The following TTC23L variants were observed in gnomAD, a reference collection of about 807,000 sequenced individuals.
The protein encoded by TTC23L is tetratricopeptide repeat protein 23-like.
TTC23L carries 42 observed loss-of-function variants against 48.1 expected under a neutral mutation model. The ratio of observed to expected loss-of-function variants is 0.87; its 90% CI spans 0.68 to 1.13. The LOEUF (loss-of-function observed/expected upper bound fraction) is 1.13, where lower values mean the gene tolerates loss of function less well. TTC23L is among the 50% of genes most tolerant of loss of function. TTC23L has a pLI of 0.00. For synonymous variants in TTC23L, 159 were observed against 157.2 expected (o/e 1.01, Z -0.09); for missense variants, 391 against 421.0 (o/e 0.93, Z 0.62).
At chr5:34,916,193 T>G in the TTC23L span, 1 of 258,042 alleles carries the variant, frequency 3.9e-6, no homozygotes. Context: ...TTGTTTTTTT[T>G]TTTTAATGTT....
chr5:34,880,762 C>A, intron 9 of TTC23L: 1 of 293,782 alleles, frequency 3.4e-6, no homozygotes, highest in Admixed American at 5.1e-5. Flanking sequence ...CCTCAGCCTC[C>A]CAAGTAGCTG....
Position 34,881,660 on chromosome 5 carries a change from C to T in TTC23L, c.1077+1352C>T, listed in dbSNP as rs186999312. Among the ~76,000 whole-genome samples the T allele has an allele frequency of 2.6e-4, 40 of 152,012 alleles. No individual in the cohort carries two copies. In the East Asian group the frequency reaches 5.8e-3, roughly 22 times the overall value. On this transcript the variant is annotated intron_variant, in intron 9 of 10. Coordinates refer to ENST00000505624, the Ensembl canonical transcript of TTC23L. ...TCTAAACATTTTTTATAAATGATGA[C>T]GTTTTCTTTATTTCAATTTTAATTG...
At chr5:34,905,385 A>G in the TTC23L span, 1 of 152,218 alleles carries the variant, frequency 6.6e-6, no homozygotes, top group Non-Finnish European at 1.5e-5. Flanking sequence ...AGAGTGCCAC[A>G]TTCTGCCCTT....
chr5:34,897,185 G>A (rs947117029), intron 10 of TTC23L, among the ~76,000 whole-genome samples: 5 of 151,962 alleles, frequency 3.3e-5, no homozygotes, highest in Admixed American at 3.3e-4. Context: ...AGGAGTTCGA[G>A]ACCAGCCTGG....
At position 34,886,363 on chromosome 5, in the gene TTC23L, T is replaced by TAA. The variant is rs3032938; in HGVS notation, c.1077+6074_1077+6075dup. Among the ~76,000 whole-genome samples the TAA allele has an allele frequency of 3.1e-3, 381 of 123,346 alleles. 2 individuals are homozygous for TAA. Among genetic ancestry groups the TAA allele is most frequent in the Non-Finnish European group, 4.5e-3 (266 of 59,430 alleles). The allele number at this position is 123,346 out of a possible 152,430, so 80.9% of individuals were successfully genotyped here. A position where few individuals can be genotyped will look rare whatever the true frequency, so the allele number is the denominator to read the frequency against. On this transcript the variant is annotated intron_variant, in intron 9 of 10. Transcript: ENST00000505624. ...CTCCTTCGGAATTGCCAGGCTGATT[T>TAA]AAAAAAAAAAAAAAAAAAAACGTTT... is the stretch of plus-strand genomic sequence containing the variant.
chr5:34,905,224 C>T, the TTC23L span: 1 of 152,108 alleles, frequency 6.6e-6, no homozygotes, highest in Non-Finnish European at 1.5e-5. Context: ...AAATTACAAA[C>T]ATAATTGGGA....
chr5:34,880,561 A>G, intron 9 of TTC23L: 2 of 473,674 alleles, frequency 4.2e-6, no homozygotes, highest in Admixed American at 3.5e-5. Context: ...AGTAGGCTCA[A>G]AGTATTTTAG....
chr5:34,915,509 C>T, the TTC23L span: 2 of 468,676 alleles, frequency 4.3e-6, no homozygotes, highest in South Asian at 3.6e-5. Flanking sequence ...GGAAGTGAAG[C>T]CAGTCCCGCC....
intron 9 of TTC23L, among the ~76,000 whole-genome samples, chr5:34,894,583 TG>T (rs1482693352): frequency 6.6e-6 from 1 of 152,218 alleles, no homozygotes; most frequent in African/African-American, 2.4e-5. Context: ...AATATTGTGA[TG>T]ATAAAAAAGA....
chr5:34,866,959 A>T (rs1454816485), exon 7 of TTC23L: 1 of 1,610,686 alleles, frequency 6.2e-7, no homozygotes, highest in Admixed American at 1.7e-5. Context: ...TGGCGATGTT[A>T]TTGCTGCCAA....
chr5:34,922,283 A>ATG, the TTC23L span: 1 of 1,549,120 alleles, frequency 6.5e-7, no homozygotes. Flanking sequence ...GGATCTCTAT[A>ATG]TGTGGTAAGA....
At chr5:34,865,045 A>G (rs1760953546) in intron 6 of TTC23L, among the ~76,000 whole-genome samples, 1 of 152,240 alleles carries the variant, frequency 6.6e-6, no homozygotes, top group African/African-American at 2.4e-5. Context: ...ATTTTTAAGG[A>G]AAGTTCTGTT....
chr5:34,903,629 A>C (rs1763564845), downstream of TTC23L, among the ~76,000 whole-genome samples: 1 of 152,238 alleles, frequency 6.6e-6, no homozygotes, highest in African/African-American at 2.4e-5. Flanking sequence ...GCTCTGCCCA[A>C]AAGTTTTAAA....
chr5:34,915,665 G>C, the TTC23L span: 4 of 1,481,180 alleles, frequency 2.7e-6, no homozygotes, highest in Non-Finnish European at 9.0e-7. Context: ...TAGAGCCGCC[G>C]AACCATAGAG....
chr5:34,886,447 T>G (rs1468160629), intron 9 of TTC23L, among the ~76,000 whole-genome samples: 1 of 150,208 alleles, frequency 6.7e-6, no homozygotes, highest in African/African-American at 2.4e-5. Flanking sequence ...GGTATTCAGC[T>G]ACAGTGACTA....
chr5:34,873,031 C>T (rs1761577371), intron 8 of TTC23L, among the ~76,000 whole-genome samples: 1 of 151,680 alleles, frequency 6.6e-6, no homozygotes, highest in African/African-American at 2.4e-5. Flanking sequence ...CCATTGCACT[C>T]CAGCTTGGGT....
chr5:34,918,325 T>G, the TTC23L span: 1 of 1,082,410 alleles, frequency 9.2e-7, no homozygotes, highest in Non-Finnish European at 1.4e-6. Context: ...CAGTTCAGTA[T>G]AAGATTTTAA....
chr5:34,915,587 G>A, the TTC23L span: 2 of 1,002,414 alleles, frequency 2.0e-6, no homozygotes, highest in East Asian at 2.8e-5. Context: ...AGAGAGCCGC[G>A]CGTGCCGCGC....
At chr5:34,909,191 T>C in the TTC23L span, 14 of 1,257,190 alleles carry the variant, frequency 1.1e-5, no homozygotes, top group South Asian at 1.2e-4. Flanking sequence ...AGTGTTTTTA[T>C]TTAACAGAAA....
Sources: allele counts gnomAD v4.1 joint callset (sites outside exome capture counted in the v4.1 genomes callset), GRCh38; gene constraint gnomAD v4.1.1; transcripts MANE v1.5; gene names NCBI Gene and HGNC (gene_info 2026-07-23, HGNC 2026-07-21).